Variants in PEX5L observed in about 807,000 individuals in gnomAD.
The protein encoded by PEX5L is peroxisomal biogenesis factor 5 like, also known as PEX5-related protein.
PEX5L carries 30 observed loss-of-function variants against 84.0 expected under a neutral mutation model. The observed-to-expected ratio is 0.36, with a 90% CI of 0.27 to 0.48. PEX5L has a LOEUF of 0.48. Ranked by LOEUF, PEX5L falls within the 20% of genes least tolerant of loss-of-function variation. PEX5L has a pLI of 0.99. For synonymous variants in PEX5L, 270 were observed against 283.1 expected, an observed-to-expected ratio of 0.95 and a Z score of 0.46; for missense variants, 533 against 754.6, an observed-to-expected ratio of 0.71 and a Z score of 3.44.
Position 179,996,914 on chromosome 3 carries a change from T to C in PEX5L, c.22-25249A>G, listed in dbSNP as rs551331209. On this transcript the variant is annotated intron_variant, in intron 1 of 14. Coordinates refer to ENST00000467460, the MANE Select transcript of PEX5L (RefSeq NM_016559.3). ...AATCATGGTGTTCCTAGAAGTGAAA[T>C]TGATAGGAAGTCTACCGCATTCCTA... 4.6e-5 allele frequency among the ~76,000 whole-genome samples: 7 copies of C among 152,246 alleles called. No individual in the cohort carries two copies. The South Asian group carries it at 1.5e-3, about 32-fold the overall frequency.
At position 179,821,604 on chromosome 3, in the gene PEX5L, G is replaced by A. The variant is rs550764727; in HGVS notation, c.823-1628C>T. Among the ~76,000 whole-genome samples the A allele has an allele frequency of 7.9e-5, 12 of 152,286 alleles. No individual in the cohort carries two copies. In the East Asian group the frequency reaches 2.1e-3, roughly 27 times the overall value. The stretch of plus-strand genomic sequence containing the variant: ...GAATTCTCATTCCTCTCACAGAAAC[G>A]GGTTCTGCCCCTTTGGCAAAGGCCT... On this transcript the variant is annotated intron_variant, in intron 8 of 14. Coordinates refer to ENST00000467460, the MANE Select transcript of PEX5L (RefSeq NM_016559.3).
At chr3:180,010,846 A>G (rs1292720782) in intron 1 of PEX5L, among the ~76,000 whole-genome samples, 6 of 151,956 alleles carry the variant, frequency 3.9e-5, no homozygotes, top group Admixed American at 1.3e-4. Context: ...AATTTTGTGT[A>G]ATTTGTTAAA....
rs151090161 is a variant in PEX5L at position 179,957,087 on chromosome 3, A to T, written c.93+14507T>A. Reference sequence around the variant, plus strand: ...TTTATAAAACTATGTAGCAATGTGGAAAAATGAGCGTAACATAATGTTACA... The same window carrying T: ...TTTATAAAACTATGTAGCAATGTGGTAAAATGAGCGTAACATAATGTTACA... On this transcript the variant is annotated intron_variant, in intron 2 of 14. Transcript: ENST00000467460. Among the ~76,000 whole-genome samples the T allele has an allele frequency of 6.1e-3, 927 of 152,350 alleles. 13 individuals carry two copies. Among genetic ancestry groups the T allele is most frequent in the African/African-American group, 0.021 (878 of 41,586 alleles).
chr3:179,815,629 T>C (rs997138840), intron 10 of PEX5L, among the ~76,000 whole-genome samples: 4 of 152,116 alleles, frequency 2.6e-5, no homozygotes, highest in African/African-American at 7.2e-5. Context: ...TAATTTTGAT[T>C]TTTCTTTTCC....
chr3:179,880,705 T>G (rs184435257), intron 4 of PEX5L, among the ~76,000 whole-genome samples: 116 of 152,378 alleles, frequency 7.6e-4, no homozygotes, highest in African/African-American at 2.6e-3. Flanking sequence ...CTGTTTAGTA[T>G]GCAAATTTGA....
chr3:179,932,947 T>C lies in PEX5L; in HGVS notation c.94-34701A>G, dbSNP rs60414392. On this transcript the variant is annotated intron_variant, in intron 2 of 14. Coordinates refer to ENST00000467460, the MANE Select transcript of PEX5L (RefSeq NM_016559.3). ...TAACTATAGTCCTCATGGTGTACAA[T>C]AGATCTCCTGATCTCCTAAATAACT... Among the ~76,000 whole-genome samples, 64 of 152,290 alleles carry C rather than the reference T, an allele frequency of 4.2e-4. 1 individual carries two copies. The East Asian group carries it at 9.6e-3, about 23-fold the overall frequency.
chr3:179,828,456 T>C (rs1289057065), intron 8 of PEX5L, among the ~76,000 whole-genome samples: 1 of 152,138 alleles, frequency 6.6e-6, no homozygotes, highest in Non-Finnish European at 1.5e-5. Context: ...AGATGCTGCA[T>C]GTAGTCTCTG....
At chr3:179,952,855 T>A (rs2109985898) in intron 2 of PEX5L, among the ~76,000 whole-genome samples, 1 of 152,256 alleles carries the variant, frequency 6.6e-6, no homozygotes, top group South Asian at 2.1e-4. Context: ...CAAATTATGC[T>A]ACAGGGCTAC....
At chr3:179,995,523 T>C (rs759256773) in intron 1 of PEX5L, among the ~76,000 whole-genome samples, 2 of 152,110 alleles carry the variant, frequency 1.3e-5, no homozygotes, top group African/African-American at 2.4e-5. Flanking sequence ...TCACTGCTTG[T>C]GAGAGGCAAG....
At chr3:179,826,239 T>G (rs1446364908) in intron 8 of PEX5L, among the ~76,000 whole-genome samples, 1 of 152,224 alleles carries the variant, frequency 6.6e-6, no homozygotes, top group Admixed American at 6.5e-5. Flanking sequence ...TAGTGTTCTG[T>G]TATTTCCTTT....
At chr3:179,930,847 T>C (rs1197564415) in intron 2 of PEX5L, among the ~76,000 whole-genome samples, 1 of 152,214 alleles carries the variant, frequency 6.6e-6, no homozygotes, top group Admixed American at 6.5e-5. Flanking sequence ...CTCATACAAA[T>C]GTAAATTTTG....
In PEX5L at chr3:180,014,895, G is replaced by A. The variant is rs534368316; in HGVS notation, c.21+21684C>T. Among the ~76,000 whole-genome samples, 10 of 152,212 alleles carry A rather than the reference G, an allele frequency of 6.6e-5. No homozygotes were observed. In the East Asian group the frequency reaches 1.9e-3, roughly 29 times the overall value. On this transcript the variant is annotated intron_variant, in intron 1 of 14. Coordinates refer to ENST00000467460, the MANE Select transcript of PEX5L (RefSeq NM_016559.3). ...CACCAAAGGCTTTTATTTCATCCTT[G>A]CACTGTACTTACCATAAGATGCTTG...
intron 8 of PEX5L, among the ~76,000 whole-genome samples, chr3:179,855,526 A>G (rs1743599698): frequency 6.6e-6 from 1 of 152,222 alleles, no homozygotes; most frequent in Non-Finnish European, 1.5e-5. Context: ...AGCCAACAGG[A>G]GAAGCAAAAA....
At chr3:179,927,434 T>C (rs1771786183) in intron 2 of PEX5L, among the ~76,000 whole-genome samples, 1 of 152,044 alleles carries the variant, frequency 6.6e-6, no homozygotes. Flanking sequence ...CAGAGAGTGA[T>C]AGGGAGAGGT....
At chr3:179,816,771 A>T (rs1296744506) in intron 9 of PEX5L, among the ~76,000 whole-genome samples, 1 of 152,144 alleles carries the variant, frequency 6.6e-6, no homozygotes, top group East Asian at 1.9e-4. Flanking sequence ...TATTTTGATT[A>T]ATTATTATTT....
intron 6 of PEX5L, among the ~76,000 whole-genome samples, chr3:179,874,979 G>A (rs1439672243): frequency 6.6e-6 from 1 of 151,102 alleles, no homozygotes. Context: ...ATCTGATAGT[G>A]GATGATGGAG....
At chr3:179,986,850 A>C (rs541872065) in intron 1 of PEX5L, among the ~76,000 whole-genome samples, 175 of 152,368 alleles carry the variant, frequency 1.1e-3, no homozygotes, top group African/African-American at 3.9e-3. Context: ...CATTTCATTG[A>C]AAGTTCGAAT....
At chr3:179,922,451 C>CTTTTTTTT (rs35332742) in intron 2 of PEX5L, among the ~76,000 whole-genome samples, 1 of 134,050 alleles carries the variant, frequency 7.5e-6, no homozygotes, top group African/African-American at 2.7e-5. Flanking sequence ...CTTTTCTTTT[C>CTTTTTTTT]TTTTTTTTTT....
intron 4 of PEX5L, 73 bp from the exon 5 acceptor site, chr3:179,880,196 G>C (rs767037317): frequency 1.7e-5 from 15 of 895,136 alleles, no homozygotes; most frequent in Non-Finnish European, 2.5e-5. Flanking sequence ...TTTCAGTTGG[G>C]TACAGAAAGA....
Sources: gnomAD v4.1 joint callset for allele counts (sites outside exome capture counted in the v4.1 genomes callset) on GRCh38, gnomAD v4.1.1 for gene constraint, MANE v1.5 for transcripts, NCBI Gene and HGNC (gene_info 2026-07-23, HGNC 2026-07-21) for gene names.